The following CXCL8 variants were observed in gnomAD, a reference collection of about 807,000 sequenced individuals.
CXCL8 encodes interleukin-8.
A neutral mutation model predicts 10.9 loss-of-function variants in CXCL8; 12 were observed. The observed-to-expected ratio is 1.10, with a 90% confidence interval of 0.71 to 1.79. CXCL8 has a LOEUF of 1.79. Among genes scored for constraint, CXCL8 ranks in the 40% most tolerant of loss-of-function variants. CXCL8 has a pLI of 0.00. For synonymous variants in CXCL8, 41 were observed against 39.6 expected (o/e 1.03, Z -0.13); for missense variants, 145 against 113.4 (o/e 1.28, Z -1.26).
intron 3 of CXCL8, 115 bp from the exon 4 acceptor site, chr4:73,742,334 G>A: frequency 1.7e-6 from 1 of 599,202 alleles, no homozygotes; most frequent in East Asian, 2.9e-5. Context: ...ATTTATAGTT[G>A]AGAATATAGA....
chr4:73,741,460 C>A, intron 1 of CXCL8, 82 bp from the exon 2 acceptor site: 3 of 1,299,642 alleles, frequency 2.3e-6, no homozygotes, highest in Non-Finnish European at 3.2e-6. Flanking sequence ...TCCAAATAAT[C>A]ATATTGGAAT....
rs373408246 is a variant in CXCL8 at position 73,743,115 on chromosome 4, TTTA to T, written c.*657_*659del. ...TTTTCAAGTGTAACTTATTAACCTA[TTTA>T]TTATTTATGTATTTATTTAAGCATC... On this transcript the variant is annotated 3_prime_UTR_variant, in exon 4 of 4. Transcript: ENST00000307407. 2.2e-5 allele frequency: 5 copies of T among 227,102 alleles called. No homozygotes were observed. Among genetic ancestry groups the T allele is most frequent in the African/African-American group, 1.1e-4 (5 of 45,150 alleles). 14.1% of individuals were successfully genotyped at this position (227,102 alleles called of 1,614,324 possible).
At chr4:73,741,725 A>G in intron 2 of CXCL8, 48 bp downstream of exon 2, 1 of 1,540,134 alleles carries the variant, frequency 6.5e-7, no homozygotes, top group South Asian at 1.1e-5. Context: ...CAAACTTAAA[A>G]TTAAGGAAGG....
Position 73,741,979 on chromosome 4 carries a change from T to A in CXCL8, c.231T>A (p.Cys77Ter), listed in dbSNP as rs536774132. 2.9e-5 allele frequency: 47 copies of A among 1,611,646 alleles called. 1 individual carries two copies. In the South Asian group the frequency reaches 5.2e-4, roughly 18 times the overall value. ...IVKLSDGREL[C>*]LDPKENWVQR... ...AGCTTTCTGATGGAAGAGAGCTCTG[T>A]CTGGACCCCAAGGAAAACTGGGTGC... The change falls in exon 3 of 4, where the codon TGT (cysteine) becomes TGA (stop). Residue 77 changes from cysteine (C) to a stop codon, truncating the protein, a stop_gained. Transcript: ENST00000307407. LOFTEE classifies it high-confidence loss of function.
Position 73,743,087 on chromosome 4 carries a change from T to C in CXCL8, c.*623T>C. 1 of 228,592 alleles carries C rather than the reference T, an allele frequency of 4.4e-6. No individual in the cohort carries two copies. Among genetic ancestry groups the C allele is most frequent in the East Asian group, 6.3e-5 (1 of 15,838 alleles). 14.2% of individuals were successfully genotyped at this position (228,592 alleles called of 1,614,324 possible). ...TTAAGTTTTTTCATCATAACATAAA[T>C]TATTTTCAAGTGTAACTTATTAACC... On this transcript the variant is annotated 3_prime_UTR_variant, in exon 4 of 4. Coordinates refer to ENST00000307407, the MANE Select transcript of CXCL8 (RefSeq NM_000584.4).
At chr4:73,741,183 C>A (rs1729162034) in intron 1 of CXCL8, among the ~76,000 whole-genome samples, 1 of 152,100 alleles carries the variant, frequency 6.6e-6, no homozygotes, top group South Asian at 2.1e-4. Flanking sequence ...TCTGTTAATT[C>A]TTTCTGAAGG....
Position 73,743,232 on chromosome 4 carries a change from G to T in CXCL8, c.*768G>T, listed in dbSNP as rs1179789092. ...GTTATAGTAAATTTATTTTATTTTA[G>T]ATATTAAATGATGTTTTATTAGATA... On this transcript the variant is annotated 3_prime_UTR_variant, in exon 4 of 4. Transcript: ENST00000307407. 1 of 220,312 alleles carries T rather than the reference G, an allele frequency of 4.5e-6. No individual in the cohort carries two copies. The highest frequency in any genetic ancestry group is 9.1e-6 in the Non-Finnish European group (1 of 110,212). 13.6% of individuals were successfully genotyped at this position (220,312 alleles called of 1,614,324 possible).
In CXCL8 at chr4:73,742,484, T is replaced by C; in HGVS notation, c.*20T>C. 7.0e-7 allele frequency: 1 copy of C among 1,436,322 alleles called. No individual in the cohort carries two copies. The highest frequency in any genetic ancestry group is 9.6e-7 in the Non-Finnish European group (1 of 1,036,784). The allele number at this position is 1,436,322 out of a possible 1,614,324, so 89.0% of individuals were successfully genotyped here. A position where few individuals can be genotyped will look rare whatever the true frequency, so the allele number is the denominator to read the frequency against. ...TCATAAAAAAATTCATTCTCTGTGG[T>C]ATCCAAGAATCAGTGAAGATGCCAG... On this transcript the variant is annotated 3_prime_UTR_variant, in exon 4 of 4. Coordinates refer to ENST00000307407, the MANE Select transcript of CXCL8 (RefSeq NM_000584.4).
Position 73,742,727 on chromosome 4 carries a change from T to C in CXCL8, c.*263T>C. The C allele has an allele frequency of 3.2e-6, 1 of 315,926 alleles. No individual in the cohort carries two copies. Among genetic ancestry groups the C allele is most frequent in the Non-Finnish European group, 5.9e-6 (1 of 169,428 alleles). 19.6% of individuals were successfully genotyped at this position (315,926 alleles called of 1,614,324 possible). ...AAATAATTTTTAAATATAAGGATTT[T>C]CCTAGATATTGCACGGGAGAATATA... On this transcript the variant is annotated 3_prime_UTR_variant, in exon 4 of 4. Coordinates refer to ENST00000307407, the MANE Select transcript of CXCL8 (RefSeq NM_000584.4).
In CXCL8 at chr4:73,741,603, A is replaced by G; in HGVS notation, c.126A>G (p.Lys42=). ...LRCQCIKTYS[K]PFHPKFIKEL... ...GTCAGTGCATAAAGACATACTCCAA[A>G]CCTTTCCACCCCAAATTTATCAAAG... Residue 42 remains lysine, a synonymous_variant, in exon 2 of 4, where the codon AAA becomes AAG. Transcript: ENST00000307407. The G allele has an allele frequency of 1.2e-6, 2 of 1,613,604 alleles. No individual in the cohort carries two copies. Among genetic ancestry groups the G allele is most frequent in the South Asian group, 1.1e-5 (1 of 91,074 alleles).
At chr4:73,741,771 A>G in intron 2 of CXCL8, 94 bp downstream of exon 2, 1 of 1,224,774 alleles carries the variant, frequency 8.2e-7, no homozygotes, top group Non-Finnish European at 1.2e-6. Context: ...TGTTAGGATT[A>G]CAGTAGTAAA....
Sources: gnomAD v4.1 joint callset for allele counts (sites outside exome capture counted in the v4.1 genomes callset) on GRCh38, gnomAD v4.1.1 for gene constraint, MANE v1.5 for transcripts, NCBI Gene and HGNC (gene_info 2026-07-23, HGNC 2026-07-21) for gene names.